Variants in UACA observed in about 807,000 individuals in gnomAD.
UACA encodes nuclear membrane binding protein.
A neutral mutation model predicts 160.5 loss-of-function variants in UACA; 112 were observed. The observed-to-expected ratio is 0.70, with a 90% CI of 0.60 to 0.82. The LOEUF (loss-of-function observed/expected upper bound fraction) is 0.82. Ranked by LOEUF, UACA falls within the 40% of genes least tolerant of loss-of-function variation. The pLI is 0.00. For missense variants in UACA, 1,574 were observed against 1,614.6 expected (o/e 0.97, Z 0.43); for synonymous variants, 557 against 568.4 (o/e 0.98, Z 0.29).
At chr15:70,685,539 G>T (rs1276875911) in intron 7 of UACA, among the ~76,000 whole-genome samples, 1 of 152,018 alleles carries the variant, frequency 6.6e-6, no homozygotes, top group Non-Finnish European at 1.5e-5. Flanking sequence ...TTTAAAAAAT[G>T]CTACATATAA....
upstream of UACA, among the ~76,000 whole-genome samples, chr15:70,765,500 G>A (rs1644410810): frequency 6.6e-6 from 1 of 152,094 alleles, no homozygotes; most frequent in Admixed American, 6.6e-5. Context: ...CCTCCAAATA[G>A]TTACAGCAAT....
At position 70,667,476 on chromosome 15, in the gene UACA, T is replaced by G. The variant is rs749966397; in HGVS notation, c.3208A>C (p.Lys1070Gln). Residue 1070 changes from lysine to glutamine, a missense_variant, in exon 16 of 19, where the codon AAA becomes CAA. Coordinates refer to ENST00000322954, the MANE Select transcript of UACA (RefSeq NM_018003.4). ...TTCTGTGACAAGTCTTTTAACTGTT[T>G]GTTTAGCTCGTCTGTTTTTCTGCTT... ...ALSRKTDELN[K>Q]QLKDLSQKYT... 1.9e-5 allele frequency: 31 copies of G among 1,610,652 alleles called. No individual in the cohort carries two copies. The highest frequency in any genetic ancestry group is 2.5e-5 in the Non-Finnish European group (30 of 1,179,656).
chr15:70,664,116 G>A (rs148957842), intron 17 of UACA, among the ~76,000 whole-genome samples: 150 of 152,268 alleles, frequency 9.9e-4, no homozygotes, highest in African/African-American at 3.5e-3. Context: ...CCACTTCCTT[G>A]TAAGTGGCAG....
At chr15:70,693,618 T>C (rs1898018929) in intron 3 of UACA, among the ~76,000 whole-genome samples, 1 of 151,946 alleles carries the variant, frequency 6.6e-6, no homozygotes, top group East Asian at 1.9e-4. Context: ...CACGGTATGT[T>C]GGGGTGCAAT....
rs1287234370 is a variant in UACA, at chr15:70,749,309, C to T, written c.78+14021G>A. The T allele has an allele frequency of 8.6e-6, 3 of 349,856 alleles. No individual in the cohort carries two copies. In the East Asian group the frequency reaches 3.0e-4, roughly 35 times the overall value. The allele number at this position is 349,856 out of a possible 1,614,324, so 21.7% of individuals were successfully genotyped here. A position where few individuals can be genotyped will look rare whatever the true frequency, so the allele number is the denominator to read the frequency against. ...TGGGAGGCCGAAGTGGGCGGATCAC[C>T]AGGTCAGGAGATCAAGACCATCCTG... On this transcript the variant is annotated intron_variant, in intron 1 of 18. Transcript: ENST00000322954.
chr15:70,671,013 A>T, intron 15 of UACA, 26 bp downstream of exon 15: 1 of 1,488,266 alleles, frequency 6.7e-7, no homozygotes, highest in Non-Finnish European at 9.0e-7. Flanking sequence ...ATGTTTTTTA[A>T]AATTAAAAAA....
upstream of UACA, chr15:70,763,731 G>A: frequency 3.4e-6 from 1 of 293,570 alleles, no homozygotes; most frequent in Non-Finnish European, 5.9e-6. Flanking sequence ...GCCCGGGAAG[G>A]GGCGGAGGAG....
At chr15:70,742,266 A>G (rs1221259479) in intron 1 of UACA, among the ~76,000 whole-genome samples, 1 of 152,086 alleles carries the variant, frequency 6.6e-6, no homozygotes, top group South Asian at 2.1e-4. Flanking sequence ...GCAACTTGAA[A>G]CCCATCTTTC....
At chr15:70,702,035 T>A in intron 1 of UACA, 1 of 1,512,196 alleles carries the variant, frequency 6.6e-7, no homozygotes, top group Non-Finnish European at 8.8e-7. Context: ...GTCCCTCACA[T>A]GCTGTGCTAC....
At chr15:70,761,748 A>C (rs533849805) in intron 1 of UACA, among the ~76,000 whole-genome samples, 58 of 152,326 alleles carry the variant, frequency 3.8e-4, no homozygotes, top group African/African-American at 1.3e-3. Flanking sequence ...TTGAGTGCTA[A>C]AGATTTAAGC....
intron 5 of UACA, among the ~76,000 whole-genome samples, chr15:70,690,224 T>C (rs1897881500): frequency 6.6e-6 from 1 of 152,112 alleles, no homozygotes; most frequent in Non-Finnish European, 1.5e-5. Flanking sequence ...TTATAGTTTA[T>C]CTACCTTTGT....
chr15:70,677,483 CATAG>C lies in UACA; in HGVS notation c.1000-347_1000-344del, dbSNP rs141107575. On this transcript the variant is annotated intron_variant, in intron 11 of 18. Coordinates refer to ENST00000322954, the MANE Select transcript of UACA (RefSeq NM_018003.4). ...TATGTTCAATTTTAGGAAAATCTAA[CATAG>C]ATAGCAAGATATTAAAGTGATACGG... Among the ~76,000 whole-genome samples the C allele has an allele frequency of 5.6e-3, 857 of 152,172 alleles. 7 individuals carry two copies. The highest frequency in any genetic ancestry group is 0.02 in the African/African-American group (818 of 41,508).
chr15:70,712,769 T>C lies in UACA; in HGVS notation c.79-13109A>G, dbSNP rs76338460. Among the ~76,000 whole-genome samples, 54 of 152,356 alleles carry C rather than the reference T, an allele frequency of 3.5e-4. No homozygotes were observed. The East Asian group carries it at 0.01, about 29-fold the overall frequency. Reference sequence around the variant, plus strand: ...AAAGAATCCTGTTGTTTTGACTTCTTGTCCAGTGCTCTTTGTACTAGTTAA... The same window carrying C: ...AAAGAATCCTGTTGTTTTGACTTCTCGTCCAGTGCTCTTTGTACTAGTTAA... On this transcript the variant is annotated intron_variant, in intron 1 of 18. Transcript: ENST00000322954.
chr15:70,671,052 A>C lies in UACA; in HGVS notation c.1208T>G (p.Met403Arg). Residue 403 changes from methionine (M) to arginine (R), a missense_variant, in exon 15 of 19, where the codon ATG becomes AGG. Coordinates refer to ENST00000322954, the MANE Select transcript of UACA (RefSeq NM_018003.4). ...DMLLKQGQMY[M>R]ADSQCTSPGI... ...AACAGTTATTACCTGTGAGTCTGCCATATACATCTGACCTTGTTTAAGAAG... is the reference window on the plus strand; with the variant it reads ...AACAGTTATTACCTGTGAGTCTGCCCTATACATCTGACCTTGTTTAAGAAG... 6.3e-7 allele frequency: 1 copy of C among 1,578,658 alleles called. No homozygotes were observed. Among genetic ancestry groups the C allele is most frequent in the South Asian group, 1.2e-5 (1 of 84,564 alleles).
chr15:70,663,875 G>T (rs996813863), intron 17 of UACA, among the ~76,000 whole-genome samples: 11 of 114,254 alleles, frequency 9.6e-5, no homozygotes, highest in Admixed American at 5.1e-4. Flanking sequence ...GTTGTGGGGT[G>T]GGGGGAGGGG....
intron 3 of UACA, among the ~76,000 whole-genome samples, chr15:70,693,611 G>A (rs554437460): frequency 5.3e-5 from 8 of 152,000 alleles, no homozygotes; most frequent in African/African-American, 1.7e-4. Flanking sequence ...AGTTAAACAC[G>A]GTATGTTGGG....
At chr15:70,726,728 CAATA>C (rs1306979319) in intron 1 of UACA, among the ~76,000 whole-genome samples, 2 of 152,108 alleles carry the variant, frequency 1.3e-5, no homozygotes, top group African/African-American at 4.8e-5. Context: ...AAATTTTCTA[CAATA>C]AATATTGTTC....
the UACA span, among the ~76,000 whole-genome samples, chr15:70,770,146 A>G: frequency 6.6e-6 from 1 of 152,238 alleles, no homozygotes; most frequent in African/African-American, 2.4e-5. Context: ...CTGGAAGGAA[A>G]TAGTTCATGA....
chr15:70,680,100 T>A (rs1897444337), intron 9 of UACA: 1 of 152,292 alleles, frequency 6.6e-6, no homozygotes, highest in Non-Finnish European at 1.5e-5. Flanking sequence ...ACAGAAATTA[T>A]TTACTTCTCT....
Sources: gnomAD v4.1 joint callset for allele counts (sites outside exome capture counted in the v4.1 genomes callset) on GRCh38, gnomAD v4.1.1 for gene constraint, MANE v1.5 for transcripts, NCBI Gene and HGNC (gene_info 2026-07-23, HGNC 2026-07-21) for gene names.